CERS6: variants seen among roughly 807,000 people sequenced by gnomAD.
CERS6 encodes the protein ceramide synthase 6.
Under a neutral mutation model 56.8 loss-of-function variants are expected in CERS6, and 26 were observed. The ratio of observed to expected loss-of-function variants is 0.46; its 90% CI spans 0.34 to 0.63. The LOEUF (loss-of-function observed/expected upper bound fraction) is 0.63. Among genes scored for constraint, CERS6 ranks in the 30% least tolerant of loss-of-function variants. The pLI, the probability that CERS6 is intolerant of heterozygous loss-of-function variation, is 0.01. For missense variants in CERS6, 415 were observed against 467.5 expected (o/e 0.89, Z 1.04); for synonymous variants, 164 against 173.3 (o/e 0.95, Z 0.42).
At chr2:168,475,406 T>G (rs1301988950) in intron 1 of CERS6, among the ~76,000 whole-genome samples, 1 of 151,964 alleles carries the variant, frequency 6.6e-6, no homozygotes, top group Non-Finnish European at 1.5e-5. Flanking sequence ...AAAGACATTC[T>G]AGGATGGCTT....
intron 1 of CERS6, among the ~76,000 whole-genome samples, chr2:168,520,829 C>T (rs6754529): frequency 0.019 from 2,844 of 151,746 alleles, 102 homozygotes; most frequent in African/African-American, 0.065. Context: ...AGGCTGGTCT[C>T]GAACTCCTGA....
At chr2:168,595,818 T>G (rs1465501790) in intron 3 of CERS6, among the ~76,000 whole-genome samples, 1 of 152,214 alleles carries the variant, frequency 6.6e-6, no homozygotes, top group African/African-American at 2.4e-5. Flanking sequence ...TATTTAAGAT[T>G]TGTGGAGATC....
intron 4 of CERS6, among the ~76,000 whole-genome samples, chr2:168,633,863 A>T (rs10200509): frequency 0.27 from 40,535 of 152,090 alleles, 5,840 homozygotes; most frequent in South Asian, 0.44. Flanking sequence ...TTCTTCCAAA[A>T]AGTACAGTAG....
At chr2:168,528,142 T>C (rs75953430) in intron 1 of CERS6, among the ~76,000 whole-genome samples, 2,121 of 152,302 alleles carry the variant, frequency 0.014, 60 homozygotes, top group African/African-American at 0.048. Flanking sequence ...GTTTTCAATA[T>C]GTTAATTTTG....
At chr2:168,493,541 A>G (rs1265661070) in intron 1 of CERS6, among the ~76,000 whole-genome samples, 2 of 152,200 alleles carry the variant, frequency 1.3e-5, no homozygotes, top group South Asian at 4.1e-4. Flanking sequence ...AGGGAGCAAG[A>G]CAGACCCCAT....
rs546237208 is a variant in CERS6, at chr2:168,522,048, C to T, written c.171-25548C>T. Among the ~76,000 whole-genome samples the T allele has an allele frequency of 2.0e-5, 3 of 152,240 alleles. No individual in the cohort carries two copies. The South Asian group carries it at 6.2e-4, about 32-fold the overall frequency. On this transcript the variant is annotated intron_variant, in intron 1 of 9. Coordinates refer to ENST00000305747, the MANE Select transcript of CERS6 (RefSeq NM_203463.3). ...CTGGGTAGTGATTGATTTGAGAACA[C>T]AGTGGGAAAATTTATTGCGCAAATG...
chr2:168,594,584 CA>C (rs1164952293), intron 3 of CERS6, among the ~76,000 whole-genome samples: 11 of 151,740 alleles, frequency 7.2e-5, no homozygotes, highest in African/African-American at 2.4e-4. Flanking sequence ...GACCCTGTCT[CA>C]AAAAAAATTA....
At chr2:168,765,979 T>A (rs1251453851) in intron 9 of CERS6, among the ~76,000 whole-genome samples, 1 of 152,202 alleles carries the variant, frequency 6.6e-6, no homozygotes, top group African/African-American at 2.4e-5. Flanking sequence ...AATAATATAT[T>A]ATTTGTTGTG....
chr2:168,657,654 A>G (rs540295653), intron 4 of CERS6, among the ~76,000 whole-genome samples: 14 of 152,336 alleles, frequency 9.2e-5, no homozygotes, highest in Non-Finnish European at 1.6e-4. Context: ...TGGGGGACTC[A>G]GTACACCCTC....
At chr2:168,631,433 A>G (rs1314332390) in intron 4 of CERS6, among the ~76,000 whole-genome samples, 2 of 131,420 alleles carry the variant, frequency 1.5e-5, no homozygotes, top group East Asian at 4.1e-4. Context: ...ATATATGTAA[A>G]TATATATTTA....
At chr2:168,630,616 G>T (rs1275035773) in intron 3 of CERS6, among the ~76,000 whole-genome samples, 2 of 152,020 alleles carry the variant, frequency 1.3e-5, no homozygotes, top group African/African-American at 4.8e-5. Flanking sequence ...GTTAACTCCA[G>T]TTGTTAGTTT....
At chr2:168,703,003 A>G (rs1686841745) in intron 6 of CERS6, among the ~76,000 whole-genome samples, 1 of 152,256 alleles carries the variant, frequency 6.6e-6, no homozygotes, top group Non-Finnish European at 1.5e-5. Flanking sequence ...AATGGAAAAC[A>G]AGGCCACTCT....
At chr2:168,624,802 G>A (rs553662288) in intron 3 of CERS6, among the ~76,000 whole-genome samples, 8 of 152,224 alleles carry the variant, frequency 5.3e-5, no homozygotes, top group South Asian at 2.1e-4. Flanking sequence ...AAAAATGAGT[G>A]TAATATGTCT....
At chr2:168,682,643 C>T (rs1686248833) in intron 4 of CERS6, among the ~76,000 whole-genome samples, 1 of 152,026 alleles carries the variant, frequency 6.6e-6, no homozygotes, top group Non-Finnish European at 1.5e-5. Flanking sequence ...GAAGACACAA[C>T]CTAGAAAAAT....
intron 4 of CERS6, among the ~76,000 whole-genome samples, chr2:168,679,546 A>C (rs74897710): frequency 0.026 from 4,002 of 152,288 alleles, 71 homozygotes; most frequent in Middle Eastern, 0.068. Flanking sequence ...TCTCTTTCTC[A>C]TCTGTGGCTT....
intron 1 of CERS6, among the ~76,000 whole-genome samples, chr2:168,518,021 G>A (rs1177264128): frequency 6.6e-6 from 1 of 152,190 alleles, no homozygotes; most frequent in African/African-American, 2.4e-5. Context: ...GTGAGTGACT[G>A]TTGTTGATTT....
At chr2:168,597,935 A>T (rs1447883915) in intron 3 of CERS6, among the ~76,000 whole-genome samples, 1 of 152,142 alleles carries the variant, frequency 6.6e-6, no homozygotes, top group Non-Finnish European at 1.5e-5. Context: ...TATTTCTGTA[A>T]ATGTTAACTC....
At chr2:168,507,238 G>A (rs983712706) in intron 1 of CERS6, among the ~76,000 whole-genome samples, 1 of 152,122 alleles carries the variant, frequency 6.6e-6, no homozygotes, top group South Asian at 2.1e-4. Context: ...CTGTCATTCA[G>A]TTTATAATGT....
intron 1 of CERS6, among the ~76,000 whole-genome samples, chr2:168,508,451 T>C (rs2105349103): frequency 6.6e-6 from 1 of 152,358 alleles, no homozygotes; most frequent in East Asian, 1.9e-4. Flanking sequence ...ATCTCTGCCT[T>C]GGAGCCACTG....
Sources: allele counts gnomAD v4.1 joint callset (sites outside exome capture counted in the v4.1 genomes callset), GRCh38; gene constraint gnomAD v4.1.1; transcripts MANE v1.5; gene names NCBI Gene and HGNC (gene_info 2026-07-23, HGNC 2026-07-21).